FRMPD1: variants seen among roughly 807,000 people sequenced by gnomAD.
FRMPD1 encodes FERM and PDZ domain containing 1.
Under a neutral mutation model 117.8 loss-of-function variants are expected in FRMPD1, and 76 were observed. The ratio of observed to expected loss-of-function variants is 0.65; its 90% CI spans 0.54 to 0.78. The LOEUF is 0.78. FRMPD1 is among the 30% of genes least tolerant of loss of function. The pLI is 0.00. For synonymous variants in FRMPD1, 783 were observed against 770.4 expected, an observed-to-expected ratio of 1.02 and a Z score of -0.27; for missense variants, 1,786 against 1,964.5, an observed-to-expected ratio of 0.91 and a Z score of 1.72.
intron 1 of FRMPD1, among the ~76,000 whole-genome samples, chr9:37,679,338 A>T (rs1821641949): frequency 6.6e-6 from 1 of 152,264 alleles, no homozygotes; most frequent in Non-Finnish European, 1.5e-5. Flanking sequence ...TTCTCCTTTT[A>T]TGGCATTTGT....
chr9:37,731,156 C>CA (rs1185036464), intron 9 of FRMPD1, 53 bp downstream of exon 9: 1 of 1,568,462 alleles, frequency 6.4e-7, no homozygotes, highest in African/African-American at 1.4e-5. Context: ...AAAGATGGTG[C>CA]ACTGGGTGAT....
At chr9:37,731,594 G>A (rs1026399250) in intron 9 of FRMPD1, among the ~76,000 whole-genome samples, 6 of 152,134 alleles carry the variant, frequency 3.9e-5, no homozygotes, top group Non-Finnish European at 5.9e-5. Flanking sequence ...ATTTGGAGCC[G>A]GGTGCGGTAG....
the FRMPD1 span, among the ~76,000 whole-genome samples, chr9:37,626,622 G>GAAAAAAGAAAAAAAAAAA: frequency 2.1e-5 from 1 of 48,650 alleles, no homozygotes; most frequent in Admixed American, 2.5e-4. Context: ...CCTGGTATCT[G>GAAAAAAGAAAAAAAAAAA]AAAAAAAAAA....
the FRMPD1 span, among the ~76,000 whole-genome samples, chr9:37,605,983 A>G: frequency 6.6e-6 from 1 of 152,156 alleles, no homozygotes; most frequent in African/African-American, 2.4e-5. Flanking sequence ...CTGGGATTAC[A>G]GGCATGAACC....
At chr9:37,621,057 T>C in the FRMPD1 span, among the ~76,000 whole-genome samples, 14,160 of 152,092 alleles carry the variant, frequency 0.093, 2,092 homozygotes, top group African/African-American at 0.32. Context: ...AAAATGATAG[T>C]CGAAATTGAT....
intron 1 of FRMPD1, among the ~76,000 whole-genome samples, chr9:37,674,113 T>A (rs1441982581): frequency 2.0e-5 from 3 of 152,234 alleles, no homozygotes; most frequent in Non-Finnish European, 4.4e-5. Context: ...TTCTGAACTT[T>A]TATACTCTGT....
At chr9:37,612,290 C>T in the FRMPD1 span, among the ~76,000 whole-genome samples, 2 of 152,058 alleles carry the variant, frequency 1.3e-5, no homozygotes, top group Non-Finnish European at 2.9e-5. Context: ...GGTGTGTCCT[C>T]CTTTGAAGTA....
chr9:37,737,251 A>G lies in FRMPD1; in HGVS notation c.1549+8A>G. On this transcript the variant is annotated splice_region_variant and intron_variant, in intron 14 of 15. Coordinates refer to ENST00000377765, the MANE Select transcript of FRMPD1 (RefSeq NM_014907.3). ...GGGTATCTGCAGAAGAAGGTGAGGC[A>G]CTGAGTCTTGCCCCAATAAGGACAG... The G allele has an allele frequency of 6.2e-7, 1 of 1,614,004 alleles. No homozygotes were observed. The highest frequency in any genetic ancestry group is 8.5e-7 in the Non-Finnish European group (1 of 1,179,928).
chr9:37,737,050 G>T (rs1824167358), intron 13 of FRMPD1, 46 bp from the exon 14 acceptor site: 1 of 1,516,004 alleles, frequency 6.6e-7, no homozygotes, highest in Non-Finnish European at 9.1e-7. Context: ...TCTTCAGACT[G>T]TCCCTTGGTC....
upstream of FRMPD1, among the ~76,000 whole-genome samples, chr9:37,647,015 T>C (rs192953205): frequency 3.3e-5 from 5 of 152,230 alleles, no homozygotes; most frequent in Non-Finnish European, 7.4e-5. Flanking sequence ...GGAAGTCTCA[T>C]TAGGATGCAA....
At chr9:37,626,622 G>GAAAAAAAA in the FRMPD1 span, among the ~76,000 whole-genome samples, 33 of 48,602 alleles carry the variant, frequency 6.8e-4, 2 homozygotes, top group Admixed American at 2.0e-3. Context: ...CCTGGTATCT[G>GAAAAAAAA]AAAAAAAAAA....
chr9:37,656,960 T>C (rs112810549), intron 1 of FRMPD1, among the ~76,000 whole-genome samples: 75 of 151,970 alleles, frequency 4.9e-4, no homozygotes, highest in African/African-American at 1.7e-3. Flanking sequence ...AATTACAAGT[T>C]GGAAAAGATA....
intron 8 of FRMPD1, 145 bp from the exon 9 acceptor site, chr9:37,730,839 G>A: frequency 1.3e-6 from 1 of 755,214 alleles, no homozygotes; most frequent in South Asian, 1.9e-5. Context: ...TAGGAGTAAA[G>A]GTCTATGGCT....
At chr9:37,726,620 C>T (rs1025234886) in intron 7 of FRMPD1, among the ~76,000 whole-genome samples, 1 of 152,094 alleles carries the variant, frequency 6.6e-6, no homozygotes, top group Non-Finnish European at 1.5e-5. Context: ...ATTGCTTGAA[C>T]CTGGGAGGCA....
chr9:37,629,593 C>A, the FRMPD1 span, among the ~76,000 whole-genome samples: 1 of 152,222 alleles, frequency 6.6e-6, no homozygotes, highest in African/African-American at 2.4e-5. Context: ...ACATTTGATA[C>A]CTGATGCTTT....
the FRMPD1 span, among the ~76,000 whole-genome samples, chr9:37,625,670 T>TAAGG: frequency 1.3e-5 from 2 of 152,174 alleles, no homozygotes; most frequent in South Asian, 4.2e-4. Flanking sequence ...AAAAAATAGG[T>TAAGG]AAGGAGCTGA....
At chr9:37,688,490 A>G (rs909938327) in intron 1 of FRMPD1, among the ~76,000 whole-genome samples, 2 of 152,056 alleles carry the variant, frequency 1.3e-5, no homozygotes, top group Non-Finnish European at 2.9e-5. Flanking sequence ...TTGACAATAT[A>G]CATCCAAATT....
At chr9:37,723,996 C>CA (rs1370034893) in intron 6 of FRMPD1, among the ~76,000 whole-genome samples, 136 of 147,496 alleles carry the variant, frequency 9.2e-4, no homozygotes, top group Admixed American at 1.6e-3. Context: ...GAGACTCTGT[C>CA]AAAAAAAATA....
chr9:37,643,936 G>A, the FRMPD1 span, among the ~76,000 whole-genome samples: 1,183 of 152,336 alleles, frequency 7.8e-3, 19 homozygotes, highest in Admixed American at 0.043. Flanking sequence ...GTGCCATTGT[G>A]TAGTTTGCTT....
Sources: gnomAD v4.1 joint callset for allele counts (sites outside exome capture counted in the v4.1 genomes callset) on GRCh38, gnomAD v4.1.1 for gene constraint, MANE v1.5 for transcripts, NCBI Gene and HGNC (gene_info 2026-07-23, HGNC 2026-07-21) for gene names.